The following MAGED1 variants were observed in gnomAD, a reference collection of about 807,000 sequenced individuals.
MAGED1 encodes the protein MAGE family member D1.
A neutral mutation model predicts 54.1 loss-of-function variants in MAGED1; 3 were observed. That is an observed-to-expected ratio of 0.06 (90% CI 0.03 to 0.14). MAGED1 has a LOEUF of 0.14. MAGED1 is among the 10% of genes least tolerant of loss of function. The pLI is 1.00. For missense variants in MAGED1, 485 were observed against 623.4 expected (o/e 0.78, Z 2.36); for synonymous variants, 217 against 227.3 (o/e 0.95, Z 0.41).
chrX:51,879,301 A>C (rs928195760), intron 1 of MAGED1, among the ~76,000 whole-genome samples: 1 of 111,582 alleles, frequency 9.0e-6, no homozygotes, highest in Non-Finnish European at 1.9e-5. Context: ...TTTCTGCCCG[A>C]AGAAAATCTT....
chrX:51,836,369 G>A (rs142038153), intron 1 of MAGED1, among the ~76,000 whole-genome samples: 1,814 of 110,874 alleles, frequency 0.016, 16 homozygotes, highest in Middle Eastern at 0.037. Context: ...GAAACAGTTT[G>A]ATCCTTTTAT....
chrX:51,819,319 C>T (rs1925542255), intron 1 of MAGED1, among the ~76,000 whole-genome samples: 1 of 110,019 alleles, frequency 9.1e-6, no homozygotes, highest in Non-Finnish European at 1.9e-5. Flanking sequence ...ACAACGAAAA[C>T]CCAAGCTTGT....
chrX:51,894,502 G>C, intron 2 of MAGED1, 153 bp downstream of exon 2: 3 of 807,283 alleles, frequency 3.7e-6, no homozygotes, highest in Admixed American at 2.8e-5. Context: ...TTATCGAAGG[G>C]GGGGAGGGGC....
At chrX:51,879,163 T>G (rs1400294000) in intron 1 of MAGED1, among the ~76,000 whole-genome samples, 1 of 111,922 alleles carries the variant, frequency 8.9e-6, no homozygotes, top group Non-Finnish European at 1.9e-5. Context: ...TTTCCTTTAA[T>G]TACAGCATCC....
Position 51,839,075 on chromosome X carries a change from A to G in MAGED1, c.-37+35958A>G, listed in dbSNP as rs1410432067. Among the ~76,000 whole-genome samples, 3 of 111,355 alleles carry G rather than the reference A, an allele frequency of 2.7e-5. No individual in the cohort carries two copies. The East Asian group carries it at 8.4e-4, about 31-fold the overall frequency. On this transcript the variant is annotated intron_variant, in intron 1 of 12. Transcript: ENST00000375772. ...GATATTTTAAAATTAAAAAAATCAA[A>G]CCTCTTCCACTTTGGAGATTATTTA...
In MAGED1 at chrX:51,901,955, G is replaced by A. The variant is rs1557365052; in HGVS notation, c.*8+17G>A. 8.5e-7 allele frequency: 1 copy of A among 1,182,001 alleles called. No homozygotes were observed. Among genetic ancestry groups the A allele is most frequent in the African/African-American group, 1.7e-5 (1 of 57,219 alleles). On this transcript the variant is annotated intron_variant, in intron 12 of 12. Coordinates refer to ENST00000326587, the MANE Select transcript of MAGED1 (RefSeq NM_006986.4). ...AGATGTTGGGTAGGTACATCACTTT[G>A]GATTGGGCAGTTAGGGTCTCTGGGG...
At chrX:51,849,762 A>G (rs1261080419) in intron 1 of MAGED1, among the ~76,000 whole-genome samples, 1 of 111,364 alleles carries the variant, frequency 9.0e-6, no homozygotes, top group Non-Finnish European at 1.9e-5. Context: ...TTATATAAAT[A>G]TTATATAAAA....
At chrX:51,859,242 A>G (rs1927191486) in intron 1 of MAGED1, among the ~76,000 whole-genome samples, 1 of 110,352 alleles carries the variant, frequency 9.1e-6, no homozygotes, top group African/African-American at 3.3e-5. Flanking sequence ...CCTAATAAAT[A>G]TGTTATTGAA....
At chrX:51,845,012 A>G (rs1557359143) in intron 1 of MAGED1, among the ~76,000 whole-genome samples, 1 of 111,270 alleles carries the variant, frequency 9.0e-6, no homozygotes, top group African/African-American at 3.3e-5. Flanking sequence ...GGCAGGAGGA[A>G]CACGAGGTCA....
At chrX:51,839,643 A>G (rs1342340295) in intron 1 of MAGED1, among the ~76,000 whole-genome samples, 1 of 112,332 alleles carries the variant, frequency 8.9e-6, no homozygotes, top group Non-Finnish European at 1.9e-5. Context: ...TTAGCCTTAA[A>G]AATTCAAGGC....
intron 1 of MAGED1, among the ~76,000 whole-genome samples, chrX:51,805,965 C>CTTTTTTTTTTTTT (rs57427122): frequency 1.4e-4 from 5 of 36,936 alleles, no homozygotes; most frequent in South Asian, 3.9e-3. Flanking sequence ...CTTTTCTTTT[C>CTTTTTTTTTTTTT]TTTTTTTTTT....
At chrX:51,893,316 T>C (rs190243647), upstream of MAGED1, among the ~76,000 whole-genome samples, 20 of 104,039 alleles carry the variant, frequency 1.9e-4, 1 homozygote, top group East Asian at 4.9e-3. Flanking sequence ...TAGAGACGCA[T>C]TGCGGAAAAG....
At position 51,816,732 on chromosome X, in the gene MAGED1, AAAG is replaced by A. The variant is rs1208750128; in HGVS notation, c.-37+13618_-37+13620del. 4.3e-4 allele frequency among the ~76,000 whole-genome samples: 8 copies of A among 18,436 alleles called. No individual in the cohort carries two copies. The Admixed American group carries it at 6.4e-3, about 15-fold the overall frequency. The allele number at this position is 18,436 out of a possible 115,157, so 16.0% of individuals were successfully genotyped here. On this transcript the variant is annotated intron_variant, in intron 1 of 12. Transcript: ENST00000375772. ...TTGCTAAGTGACACGATTGTAAAAG[AAAG>A]AAAAAAAAAAAACAGATATGAGAGG...
intron 1 of MAGED1, among the ~76,000 whole-genome samples, chrX:51,842,648 A>T (rs1309268707): frequency 9.0e-6 from 1 of 110,545 alleles, no homozygotes; most frequent in Non-Finnish European, 1.9e-5. Flanking sequence ...GTATGATTTG[A>T]CGTTCTTTTA....
intron 1 of MAGED1, among the ~76,000 whole-genome samples, chrX:51,803,323 C>T: frequency 9.0e-6 from 1 of 110,583 alleles, no homozygotes; most frequent in East Asian, 2.9e-4. Flanking sequence ...GCTCCTGCCT[C>T]ACCTCCTCAC....
At chrX:51,864,167 G>GGT (rs1295039718) in intron 1 of MAGED1, among the ~76,000 whole-genome samples, 4 of 100,467 alleles carry the variant, frequency 4.0e-5, no homozygotes, top group African/African-American at 7.3e-5. Flanking sequence ...TGAGTTGAGG[G>GGT]GTGTGAGAGA....
chrX:51,819,295 A>G (rs781854513), intron 1 of MAGED1, among the ~76,000 whole-genome samples: 22 of 110,181 alleles, frequency 2.0e-4, no homozygotes, highest in Non-Finnish European at 3.6e-4. Context: ...GAAGCCTTAC[A>G]CTGGGCCCTA....
In MAGED1 at chrX:51,896,668, G is replaced by C. The variant is rs782328913; in HGVS notation, c.1013G>C (p.Trp338Ser). 8.2e-7 allele frequency: 1 copy of C among 1,212,151 alleles called. No homozygotes were observed. The highest frequency in any genetic ancestry group is 2.2e-5 in the Admixed American group (1 of 46,127). The change falls in exon 4 of 13, where the codon TGG (tryptophan) becomes TCG (serine). Residue 338 changes from tryptophan (W) to serine (S), a missense_variant. Trp to Ser is a radical substitution (Grantham distance 177). Transcript: ENST00000326587. ...TPPAWQNPVAWQNPVIWPNPV... is the reference protein window; with the variant it reads ...TPPAWQNPVASQNPVIWPNPV... ...CCAGCCTGGCAGAACCCAGTCGCTT[G>C]GCAGAACCCAGTGATTTGGCCAAAC... is the stretch of plus-strand genomic sequence containing the variant.
At chrX:51,872,772 T>G (rs1130004) in intron 1 of MAGED1, among the ~76,000 whole-genome samples, 14,279 of 111,810 alleles carry the variant, frequency 0.13, 739 homozygotes, top group Middle Eastern at 0.14. Context: ...CGTAAGACAC[T>G]TCTACCACTA....
Sources: allele counts gnomAD v4.1 joint callset (sites outside exome capture counted in the v4.1 genomes callset), GRCh38; gene constraint gnomAD v4.1.1; transcripts MANE v1.5; gene names NCBI Gene and HGNC (gene_info 2026-07-23, HGNC 2026-07-21).